The following UNC5A variants were observed in gnomAD, a reference collection of about 807,000 sequenced individuals.
The protein encoded by UNC5A is unc-5 netrin receptor A.
In UNC5A, 20 loss-of-function variants were observed where a neutral mutation model predicts 87.4. The ratio of observed to expected loss-of-function variants is 0.23; its 90% CI spans 0.16 to 0.33. UNC5A has a LOEUF of 0.33. Among genes scored for constraint, UNC5A ranks in the 10% least tolerant of loss-of-function variants. The pLI, the probability that UNC5A is intolerant of heterozygous loss-of-function variation, is 1.00. For synonymous variants in UNC5A, 438 were observed against 482.3 expected, an observed-to-expected ratio of 0.91 and a Z score of 1.20; for missense variants, 844 against 1,133.4, an observed-to-expected ratio of 0.74 and a Z score of 3.67.
At chr5:176,850,733 G>A (rs569382685) in intron 1 of UNC5A, among the ~76,000 whole-genome samples, 1 of 152,320 alleles carries the variant, frequency 6.6e-6, no homozygotes, top group Admixed American at 6.5e-5. Context: ...TTTGTCCCTA[G>A]GTTACTGGGT....
chr5:176,811,439 G>A (rs940994263), intron 1 of UNC5A, among the ~76,000 whole-genome samples: 3 of 152,250 alleles, frequency 2.0e-5, no homozygotes, highest in Non-Finnish European at 4.4e-5. Flanking sequence ...GGTGGCCGGG[G>A]CTGTGGCTCC....
Position 176,869,150 on chromosome 5 carries a change from G to A in UNC5A, c.721+186G>A, listed in dbSNP as rs1420123241. ...GGGCCCAGGGGCATGTCTGGGCAAA[G>A]GAGTGGGACAGATTGGAGGTCCTTT... On this transcript the variant is annotated intron_variant, in intron 5 of 14. Transcript: ENST00000329542. This position sits in a 1 kb window ranked among gnomAD's most constrained non-coding sequence, Gnocchi z 9.1. Among the ~76,000 whole-genome samples the A allele has an allele frequency of 2.0e-5, 3 of 152,188 alleles. No homozygotes were observed. The highest frequency in any genetic ancestry group is 1.9e-4 in the East Asian group (1 of 5,186).
rs1341078534 is a variant in UNC5A at position 176,844,715 on chromosome 5, A to G, written c.71-17909A>G. Among the ~76,000 whole-genome samples the G allele has an allele frequency of 6.6e-6, 1 of 152,146 alleles. No individual in the cohort carries two copies. The highest frequency in any genetic ancestry group is 1.5e-5 in the Non-Finnish European group (1 of 68,024). The stretch of plus-strand genomic sequence containing the variant: ...CTACATCACACCCAGGGGTCTGTGG[A>G]CCACAGTTCACAGCCTCCTATTGTT... On this transcript the variant is annotated intron_variant, in intron 1 of 14. Transcript: ENST00000329542. This position sits in a 1 kb window ranked among gnomAD's most constrained non-coding sequence, Gnocchi z 4.2.
intron 1 of UNC5A, among the ~76,000 whole-genome samples, chr5:176,832,141 C>T (rs991021521): frequency 2.0e-5 from 3 of 152,168 alleles, no homozygotes; most frequent in Admixed American, 6.5e-5. Context: ...AGGTGATCCA[C>T]CCAGCTCAGC....
At position 176,879,989 on chromosome 5, in the gene UNC5A, G is replaced by C; in HGVS notation, c.*103G>C. ...TTCCCCACACCGGGGAGAGCTGCTC[G>C]GACAGGCCCCCTCCCGGCCGAAGCT... On this transcript the variant is annotated 3_prime_UTR_variant, in exon 15 of 15. Coordinates refer to ENST00000329542, the MANE Select transcript of UNC5A (RefSeq NM_133369.3). 2 of 1,416,446 alleles carry C rather than the reference G, an allele frequency of 1.4e-6. No individual in the cohort carries two copies. The highest frequency in any genetic ancestry group is 1.9e-6 in the Non-Finnish European group (2 of 1,067,508). 87.7% of individuals were successfully genotyped at this position (1,416,446 alleles called of 1,614,324 possible).
chr5:176,871,960 A>G (rs1397056669), intron 6 of UNC5A, among the ~76,000 whole-genome samples: 1 of 14,216 alleles, frequency 7.0e-5, no homozygotes, highest in African/African-American at 2.3e-4. Context: ...ACAGCTTCCC[A>G]TCTGCCCACA....
chr5:176,837,489 A>G (rs1022057287), intron 1 of UNC5A, among the ~76,000 whole-genome samples: 20 of 152,134 alleles, frequency 1.3e-4, no homozygotes, highest in Non-Finnish European at 7.4e-5. Context: ...TCAGGGACCC[A>G]CACCCTGGAG....
At chr5:176,829,999 C>A (rs1306349922) in intron 1 of UNC5A, among the ~76,000 whole-genome samples, 3 of 151,572 alleles carry the variant, frequency 2.0e-5, no homozygotes, top group African/African-American at 7.3e-5. Flanking sequence ...CTTGGCCTCC[C>A]GAGTAGCTGG....
intron 1 of UNC5A, among the ~76,000 whole-genome samples, chr5:176,836,517 A>G (rs1301233758): frequency 6.6e-6 from 1 of 152,156 alleles, no homozygotes; most frequent in East Asian, 1.9e-4. Context: ...AGGCACCTGT[A>G]AAGTTCAGTG....
intron 1 of UNC5A, among the ~76,000 whole-genome samples, chr5:176,857,843 C>T (rs1005562925): frequency 2.6e-5 from 4 of 152,202 alleles, no homozygotes; most frequent in South Asian, 2.1e-4. Context: ...AACTTAATTC[C>T]AAGCGGGCAG....
chr5:176,841,829 C>T lies in UNC5A; in HGVS notation c.71-20795C>T, dbSNP rs1394197002. Among the ~76,000 whole-genome samples, 1 of 152,214 alleles carries T rather than the reference C, an allele frequency of 6.6e-6. No individual in the cohort carries two copies. Among genetic ancestry groups the T allele is most frequent in the Non-Finnish European group, 1.5e-5 (1 of 68,046 alleles). On this transcript the variant is annotated intron_variant, in intron 1 of 14. Transcript: ENST00000329542. This position sits in a 1 kb window ranked among gnomAD's most constrained non-coding sequence, Gnocchi z 4.1. ...CCAACAATCATGAAAAAAGGCTCGA[C>T]ATCACTAATGATCAGGGAAATGCAA...
At chr5:176,817,628 T>C (rs889115655) in intron 1 of UNC5A, among the ~76,000 whole-genome samples, 1 of 100,176 alleles carries the variant, frequency 1.0e-5, no homozygotes, top group African/African-American at 3.7e-5. Flanking sequence ...TAGCAGCCCC[T>C]CCTCAGCGCG....
intron 1 of UNC5A, among the ~76,000 whole-genome samples, chr5:176,814,047 ACCAAGTCCT>A (rs1196481815): frequency 6.6e-6 from 1 of 151,994 alleles, no homozygotes; most frequent in African/African-American, 2.4e-5. Flanking sequence ...CTAATATGTC[ACCAAGTCCT>A]CCAGCTCGGG....
intron 1 of UNC5A, among the ~76,000 whole-genome samples, chr5:176,830,651 T>C (rs11738305): frequency 0.84 from 101,437 of 120,458 alleles, 44,211 homozygotes; most frequent in Non-Finnish European, 0.95. Flanking sequence ...CGTGTGCATT[T>C]GTGTGTGTGT....
At chr5:176,877,794 C>A in intron 10 of UNC5A, 91 bp downstream of exon 10, 1 of 1,512,270 alleles carries the variant, frequency 6.6e-7, no homozygotes, top group Non-Finnish European at 8.9e-7. Context: ...TCCTGAGCCG[C>A]ACCCCCACCC....
At chr5:176,852,233 G>A (rs1289069404) in intron 1 of UNC5A, among the ~76,000 whole-genome samples, 1 of 151,998 alleles carries the variant, frequency 6.6e-6, no homozygotes, top group Non-Finnish European at 1.5e-5. Context: ...AGAGGTGAGG[G>A]AGGCTCACAC....
intron 1 of UNC5A, among the ~76,000 whole-genome samples, chr5:176,861,462 A>G (rs1031061909): frequency 2.6e-5 from 4 of 152,168 alleles, no homozygotes; most frequent in Admixed American, 6.5e-5. Context: ...GGTCCTGGTG[A>G]AGGGCGGACT....
At chr5:176,827,255 T>C (rs1190892929) in intron 1 of UNC5A, among the ~76,000 whole-genome samples, 1 of 143,306 alleles carries the variant, frequency 7.0e-6, no homozygotes, top group Non-Finnish European at 1.5e-5. Context: ...CAATATTGGC[T>C]CACTGCAACC....
chr5:176,834,249 C>CT (rs923490220), intron 1 of UNC5A, among the ~76,000 whole-genome samples: 1 of 152,168 alleles, frequency 6.6e-6, no homozygotes, highest in African/African-American at 2.4e-5. Flanking sequence ...TGAGACAGGG[C>CT]CCCCTGCCCG....
Sources: gnomAD v4.1 joint callset for allele counts (sites outside exome capture counted in the v4.1 genomes callset) on GRCh38, gnomAD v4.1.1 for gene constraint, Gnocchi (gnomAD v3.1) non-coding constraint, MANE v1.5 for transcripts, NCBI Gene and HGNC (gene_info 2026-07-23, HGNC 2026-07-21) for gene names.